The following FMNL2 variants were observed in gnomAD, a reference collection of about 807,000 sequenced individuals.
FMNL2 encodes the protein formin like 2, also known as formin-like protein 2.
A neutral mutation model predicts 130.2 loss-of-function variants in FMNL2; 51 were observed. The observed-to-expected ratio is 0.39, with a 90% CI of 0.31 to 0.49. FMNL2 has a LOEUF of 0.49. Ranked by LOEUF, FMNL2 falls within the 20% of genes least tolerant of loss-of-function variation. FMNL2 has a pLI of 0.85. For synonymous variants in FMNL2, 465 were observed against 467.1 expected (o/e 1.00, Z 0.06); for missense variants, 977 against 1,316.2 (o/e 0.74, Z 3.99).
At chr2:152,519,142 A>G (rs945655624) in intron 1 of FMNL2, among the ~76,000 whole-genome samples, 2 of 152,032 alleles carry the variant, frequency 1.3e-5, no homozygotes, top group African/African-American at 2.4e-5. Flanking sequence ...TGCCTGGCCA[A>G]TCCTTCTCAT....
intron 1 of FMNL2, among the ~76,000 whole-genome samples, chr2:152,504,434 A>G (rs1461587037): frequency 2.0e-5 from 3 of 151,706 alleles, no homozygotes; most frequent in African/African-American, 7.3e-5. Context: ...TTTCGTAGAG[A>G]TGGGGTTTCA....
chr2:152,634,923 C>CTT, intron 21 of FMNL2, among the ~76,000 whole-genome samples: 1 of 150,502 alleles, frequency 6.6e-6, no homozygotes, highest in African/African-American at 2.4e-5. Flanking sequence ...GTGACCATGA[C>CTT]TTCTTTTTTT....
chr2:152,614,807 C>A (rs771177330), intron 11 of FMNL2, 44 bp from the exon 12 acceptor site: 2 of 1,539,442 alleles, frequency 1.3e-6, no homozygotes, highest in Admixed American at 2.3e-5. Context: ...GTTCTATTTC[C>A]ATAGATGAGC....
chr2:152,607,301 T>TCC, intron 9 of FMNL2, 38 bp from the exon 10 acceptor site: 2 of 1,574,058 alleles, frequency 1.3e-6, no homozygotes, highest in East Asian at 4.5e-5. Flanking sequence ...ATGTTTATGT[T>TCC]TAGAAAGTCA....
intron 1 of FMNL2, among the ~76,000 whole-genome samples, chr2:152,439,141 T>C (rs368740636): frequency 6.6e-6 from 1 of 151,224 alleles, no homozygotes; most frequent in East Asian, 1.9e-4. Context: ...AATGCAGGTT[T>C]AATGTCCCTA....
intron 16 of FMNL2, among the ~76,000 whole-genome samples, chr2:152,626,226 C>T (rs182103249): frequency 4.6e-5 from 7 of 151,962 alleles, no homozygotes; most frequent in Admixed American, 2.6e-4. Context: ...TAGTAGAGAG[C>T]GCATTTCATC....
chr2:152,420,953 A>G (rs1437025739), intron 1 of FMNL2, among the ~76,000 whole-genome samples: 3 of 152,172 alleles, frequency 2.0e-5, no homozygotes, highest in African/African-American at 7.2e-5. Context: ...TTCGCCTGAG[A>G]TGTCTGGCGT....
Position 152,575,120 on chromosome 2 carries a change from C to A in FMNL2, c.597-16C>A. The stretch of plus-strand genomic sequence containing the variant: ...GTAACCTGTTGTTTTATAGAAGTTT[C>A]TCTTTTTGTTTGTAGATATAATACA... On this transcript the variant is annotated splice_polypyrimidine_tract_variant and intron_variant, in intron 6 of 25. Transcript: ENST00000288670. 6.7e-7 allele frequency: 1 copy of A among 1,496,064 alleles called. No individual in the cohort carries two copies. The highest frequency in any genetic ancestry group is 9.2e-7 in the Non-Finnish European group (1 of 1,086,880). The allele number at this position is 1,496,064 out of a possible 1,614,324, so 92.7% of individuals were successfully genotyped here. A position where few individuals can be genotyped will look rare whatever the true frequency, so the allele number is the denominator to read the frequency against.
intron 1 of FMNL2, among the ~76,000 whole-genome samples, chr2:152,432,745 T>C (rs1473427291): frequency 6.6e-6 from 1 of 152,236 alleles, no homozygotes; most frequent in African/African-American, 2.4e-5. Context: ...GTAGCCTTTC[T>C]TGGGACTCTA....
chr2:152,370,899 A>G (rs536620777), intron 1 of FMNL2, among the ~76,000 whole-genome samples: 2 of 152,332 alleles, frequency 1.3e-5, no homozygotes, highest in East Asian at 3.9e-4. Context: ...AGGGCCTCTC[A>G]CGAGGTCGCA....
At chr2:152,528,816 T>A (rs1693538074) in intron 2 of FMNL2, among the ~76,000 whole-genome samples, 1 of 152,028 alleles carries the variant, frequency 6.6e-6, no homozygotes, top group Non-Finnish European at 1.5e-5. Flanking sequence ...CCATTGGGGG[T>A]CAAATTCTAC....
intron 17 of FMNL2, 49 bp from the exon 18 acceptor site, chr2:152,628,250 G>A (rs1374596789): frequency 6.7e-7 from 1 of 1,496,156 alleles, no homozygotes; most frequent in Admixed American, 1.7e-5. Flanking sequence ...TTGAAAAGGG[G>A]GTAGGAGGTT....
At chr2:152,406,416 G>A (rs1316461010) in intron 1 of FMNL2, among the ~76,000 whole-genome samples, 1 of 152,156 alleles carries the variant, frequency 6.6e-6, no homozygotes, top group Non-Finnish European at 1.5e-5. Context: ...AGGAAGAGGA[G>A]GAAAGAGACT....
At chr2:152,529,674 A>G (rs999115849) in intron 2 of FMNL2, among the ~76,000 whole-genome samples, 2 of 152,152 alleles carry the variant, frequency 1.3e-5, no homozygotes, top group Admixed American at 1.3e-4. Flanking sequence ...GTGAATTTAC[A>G]TTACGTCTTT....
chr2:152,339,006 A>T (rs918039263), intron 1 of FMNL2, among the ~76,000 whole-genome samples: 1 of 152,234 alleles, frequency 6.6e-6, no homozygotes, highest in Non-Finnish European at 1.5e-5. Context: ...TATATTTCAT[A>T]GGTAATATTA....
chr2:152,638,174 T>G (rs1018641278), intron 23 of FMNL2, among the ~76,000 whole-genome samples: 1 of 152,236 alleles, frequency 6.6e-6, no homozygotes, highest in South Asian at 2.1e-4. Context: ...ACTCTCTGTT[T>G]CTTTGTGTGG....
At chr2:152,571,372 G>A (rs894188274) in intron 6 of FMNL2, among the ~76,000 whole-genome samples, 5 of 152,130 alleles carry the variant, frequency 3.3e-5, no homozygotes, top group African/African-American at 7.2e-5. Context: ...GCTCATGTGT[G>A]CCAATTATCC....
At chr2:152,583,742 A>G (rs1226132026) in intron 9 of FMNL2, among the ~76,000 whole-genome samples, 1 of 152,298 alleles carries the variant, frequency 6.6e-6, no homozygotes, top group East Asian at 1.9e-4. Context: ...AGCTTGGCCC[A>G]CACCCTGTTT....
rs570826176 is a variant in FMNL2, at chr2:152,535,239, C to T, written c.202-7500C>T. Among the ~76,000 whole-genome samples, 3 of 152,244 alleles carry T rather than the reference C, an allele frequency of 2.0e-5. No individual in the cohort carries two copies. In the South Asian group the frequency reaches 6.2e-4, roughly 32 times the overall value. On this transcript the variant is annotated intron_variant, in intron 2 of 25. Coordinates refer to ENST00000288670, the MANE Select transcript of FMNL2 (RefSeq NM_052905.4). ...CAGCTAAACCTCTTGAAGTTACTAC[C>T]ACATATCCCTCCTTTCTCTGCTTTT...
Sources: allele counts gnomAD v4.1 joint callset (sites outside exome capture counted in the v4.1 genomes callset), GRCh38; gene constraint gnomAD v4.1.1; transcripts MANE v1.5; gene names NCBI Gene and HGNC (gene_info 2026-07-23, HGNC 2026-07-21).